BTRC: variants seen among roughly 807,000 people sequenced by gnomAD.
BTRC encodes F-box/WD repeat-containing protein 1A.
In BTRC, 42 loss-of-function variants were observed where a neutral mutation model predicts 85.5. The ratio of observed to expected loss-of-function variants is 0.49; its 90% CI spans 0.38 to 0.64. The LOEUF (loss-of-function observed/expected upper bound fraction) is 0.64. Among genes scored for constraint, BTRC ranks in the 30% least tolerant of loss-of-function variants. BTRC has a pLI of 0.00. For missense variants in BTRC, 594 were observed against 743.5 expected (o/e 0.80, Z 2.34); for synonymous variants, 255 against 263.3 (o/e 0.97, Z 0.30).
At chr10:101,545,109 C>T (rs1465475622) in intron 13 of BTRC, among the ~76,000 whole-genome samples, 1 of 151,698 alleles carries the variant, frequency 6.6e-6, no homozygotes, top group African/African-American at 2.4e-5. Context: ...TTAATGATGT[C>T]ATTCCATTTT....
At chr10:101,431,238 G>A (rs4919544) in intron 2 of BTRC, among the ~76,000 whole-genome samples, 41,177 of 151,690 alleles carry the variant, frequency 0.27, 6,756 homozygotes, top group South Asian at 0.4. Context: ...CACCACGCCT[G>A]GCTAATTTTT....
At chr10:101,458,518 A>G (rs560876795) in intron 2 of BTRC, among the ~76,000 whole-genome samples, 1 of 152,200 alleles carries the variant, frequency 6.6e-6, no homozygotes, top group South Asian at 2.1e-4. Context: ...GTGGGGAAAC[A>G]ATCAGGAAAT....
chr10:101,357,458 A>C (rs1942074011), intron 1 of BTRC, among the ~76,000 whole-genome samples: 1 of 151,448 alleles, frequency 6.6e-6, no homozygotes, highest in Non-Finnish European at 1.5e-5. Flanking sequence ...AAAAAAAAAA[A>C]AAAGGAAGCT....
chr10:101,538,332 C>T lies in BTRC; in HGVS notation c.1617C>T (p.Pro539=), dbSNP rs773395268. 1 of 1,614,068 alleles carries T rather than the reference C, an allele frequency of 6.2e-7. No individual in the cohort carries two copies. Among genetic ancestry groups the T allele is most frequent in the Non-Finnish European group, 8.5e-7 (1 of 1,179,972 alleles). The change falls in exon 13 of 15, where the codon CCC becomes CCT. Residue 539 remains proline, a synonymous_variant. Coordinates refer to ENST00000370187, the MANE Select transcript of BTRC (RefSeq NM_033637.4). ...GGGATCTTGTGGCTGCTTTGGACCC[C>T]CGTGCTCCTGCAGGGACACTCTGTC... is the stretch of plus-strand genomic sequence containing the variant. ...KVWDLVAALD[P]RAPAGTLCLR...
chr10:101,512,695 G>A (rs796866129), intron 4 of BTRC, among the ~76,000 whole-genome samples: 39 of 152,296 alleles, frequency 2.6e-4, no homozygotes, highest in African/African-American at 9.1e-4. Flanking sequence ...TGGTAATTTT[G>A]AAAGTGGTAC....
chr10:101,385,554 T>C (rs1176009043), intron 1 of BTRC, among the ~76,000 whole-genome samples: 1 of 150,052 alleles, frequency 6.7e-6, no homozygotes, highest in African/African-American at 2.4e-5. Flanking sequence ...AAGGACCATC[T>C]AATTCAAGGC....
At chr10:101,470,930 T>G (rs1319426217) in intron 3 of BTRC, among the ~76,000 whole-genome samples, 2 of 152,168 alleles carry the variant, frequency 1.3e-5, no homozygotes, top group East Asian at 3.9e-4. Flanking sequence ...ATATAAGAGT[T>G]ATATTCTCAA....
chr10:101,468,277 T>C (rs1000908008), intron 3 of BTRC, among the ~76,000 whole-genome samples: 1 of 152,036 alleles, frequency 6.6e-6, no homozygotes, highest in East Asian at 1.9e-4. Flanking sequence ...TATTTTCATA[T>C]AGAGAGTTGT....
At chr10:101,552,733 C>T (rs1190257819) in intron 14 of BTRC, among the ~76,000 whole-genome samples, 1 of 152,188 alleles carries the variant, frequency 6.6e-6, no homozygotes, top group Non-Finnish European at 1.5e-5. Flanking sequence ...TGCTGGTACC[C>T]TGCAGCCACA....
chr10:101,512,273 A>T (rs2061966878), intron 4 of BTRC, among the ~76,000 whole-genome samples: 1 of 152,206 alleles, frequency 6.6e-6, no homozygotes, highest in African/African-American at 2.4e-5. Context: ...TTTAATCATT[A>T]TATCCCCTTT....
intron 13 of BTRC, among the ~76,000 whole-genome samples, chr10:101,546,186 T>A (rs571606222): frequency 2.9e-3 from 447 of 152,086 alleles, no homozygotes; most frequent in Middle Eastern, 0.014. Context: ...CTTCTCAAGC[T>A]CCCAAGGAAA....
intron 3 of BTRC, among the ~76,000 whole-genome samples, chr10:101,468,986 G>T (rs1286435352): frequency 6.6e-6 from 1 of 152,170 alleles, no homozygotes; most frequent in Non-Finnish European, 1.5e-5. Flanking sequence ...TTGAAAACTT[G>T]TTCAGAATTA....
rs2062728547 is a variant in BTRC, at chr10:101,556,753, C to T, written c.*3630C>T. 1 of 152,232 alleles carries T rather than the reference C, an allele frequency of 6.6e-6. No homozygotes were observed. Among genetic ancestry groups the T allele is most frequent in the African/African-American group, 2.4e-5 (1 of 41,450 alleles). 9.4% of individuals were successfully genotyped at this position (152,232 alleles called of 1,614,324 possible). On this transcript the variant is annotated 3_prime_UTR_variant, in exon 15 of 15. Transcript: ENST00000370187. ...TTCAGGTGGAACTTAATGCATTGAT[C>T]TTTAGAAGCTCCTTCTGTTGGAAGT... is the stretch of plus-strand genomic sequence containing the variant.
chr10:101,354,502 G>A (rs996995257), intron 1 of BTRC: 5 of 483,430 alleles, frequency 1.0e-5, no homozygotes, highest in African/African-American at 8.3e-5. Flanking sequence ...CGGCGCGCGG[G>A]GCCCTGGAGG....
At chr10:101,544,198 C>T (rs1237761330) in intron 13 of BTRC, among the ~76,000 whole-genome samples, 3 of 152,110 alleles carry the variant, frequency 2.0e-5, no homozygotes, top group Admixed American at 1.3e-4. Flanking sequence ...CATGAGCCAC[C>T]GCAGCTGGCC....
At chr10:101,516,785 T>G (rs1252455406) in intron 4 of BTRC, among the ~76,000 whole-genome samples, 1 of 152,184 alleles carries the variant, frequency 6.6e-6, no homozygotes, top group Non-Finnish European at 1.5e-5. Context: ...AATATCTCGT[T>G]TATTTAATGT....
intron 1 of BTRC, among the ~76,000 whole-genome samples, chr10:101,406,014 AGTTAT>A (rs1943610365): frequency 6.6e-6 from 1 of 151,768 alleles, no homozygotes; most frequent in South Asian, 2.1e-4. Flanking sequence ...TAGCTGAGAG[AGTTAT>A]GTTAGGCTCT....
At chr10:101,389,109 TTTTGTG>T (rs961521180) in intron 1 of BTRC, among the ~76,000 whole-genome samples, 1 of 91,934 alleles carries the variant, frequency 1.1e-5, no homozygotes, top group Non-Finnish European at 2.1e-5. Flanking sequence ...AATTGTGATT[TTTTGTG>T]TGTGTTTTTT....
intron 3 of BTRC, among the ~76,000 whole-genome samples, chr10:101,468,437 A>G (rs571269864): frequency 2.0e-4 from 30 of 152,218 alleles, no homozygotes; most frequent in African/African-American, 7.0e-4. Flanking sequence ...GCTCATCTGC[A>G]TGAGCCCTAA....
Sources: allele counts gnomAD v4.1 joint callset (sites outside exome capture counted in the v4.1 genomes callset), GRCh38; gene constraint gnomAD v4.1.1; transcripts MANE v1.5; gene names NCBI Gene and HGNC (gene_info 2026-07-23, HGNC 2026-07-21).